PGAP4: variants seen among roughly 807,000 people sequenced by gnomAD.
PGAP4 encodes post-GPI attachment to proteins GalNAc transferase 4.
Under a neutral mutation model 28.2 loss-of-function variants are expected in PGAP4, and 12 were observed. The observed-to-expected ratio is 0.42, with a 90% confidence interval of 0.27 to 0.69. The LOEUF (loss-of-function observed/expected upper bound fraction) is 0.69. PGAP4 is among the 30% of genes least tolerant of loss of function. The pLI is 0.22. For synonymous variants in PGAP4, 205 were observed against 211.8 expected (o/e 0.97, Z 0.28); for missense variants, 425 against 513.5 (o/e 0.83, Z 1.67).
At position 101,487,151 on chromosome 9, in the gene PGAP4, T is replaced by C. The variant is rs564830985; in HGVS notation, c.-280A>G. 20 of 152,306 alleles carry C rather than the reference T, an allele frequency of 1.3e-4. No individual in the cohort carries two copies. The highest frequency in any genetic ancestry group is 4.6e-4 in the African/African-American group (19 of 41,580). The allele number at this position is 152,306 out of a possible 1,614,324, so 9.4% of individuals were successfully genotyped here. The stretch of plus-strand genomic sequence containing the variant: ...GGGCTCCCCTTGCTCAGGCGGGCCA[T>C]GTGACCCGCGAGCTGCGGAGAGACC... On this transcript the variant is annotated 5_prime_UTR_variant, in exon 1 of 2. The change abolishes an upstream ATG in the 5' untranslated region. Coordinates refer to ENST00000374848, the MANE Select transcript of PGAP4 (RefSeq NM_032342.3).
intron 2 of PGAP4, among the ~76,000 whole-genome samples, chr9:101,516,751 C>T (rs1413316400): frequency 6.6e-6 from 1 of 152,172 alleles, no homozygotes; most frequent in Admixed American, 6.5e-5. Flanking sequence ...TCAGACTTAA[C>T]ACTTTTTATT....
intron 2 of PGAP4, among the ~76,000 whole-genome samples, chr9:101,523,386 G>A (rs1273279079): frequency 6.6e-6 from 1 of 151,802 alleles, no homozygotes; most frequent in African/African-American, 2.4e-5. Flanking sequence ...AGACTTCTTG[G>A]AGGCTTTGTT....
rs148013361 is a variant in PGAP4, at chr9:101,474,986, G to GCTTTTTTTTT, written c.*894_*895insAAAAAAAAAG. 7.1e-6 allele frequency: 1 copy of GCTTTTTTTTT among 141,536 alleles called. No individual in the cohort carries two copies. The allele number at this position is 141,536 out of a possible 1,614,324, so 8.8% of individuals were successfully genotyped here. On this transcript the variant is annotated 3_prime_UTR_variant, in exon 2 of 2. Coordinates refer to ENST00000374848, the MANE Select transcript of PGAP4 (RefSeq NM_032342.3). ...GTCAGGTCTTCTGACTTCAGTCCAT[G>GCTTTTTTTTT]ATTTTTTTTTTTTTTTTTCTATAAC...
At chr9:101,487,966 T>C (rs1461581948), upstream of PGAP4, among the ~76,000 whole-genome samples, 1 of 152,206 alleles carries the variant, frequency 6.6e-6, no homozygotes, top group Non-Finnish European at 1.5e-5. Context: ...ATTTACTGCC[T>C]GATTTGCCAA....
intron 2 of PGAP4, among the ~76,000 whole-genome samples, chr9:101,521,988 C>A (rs749158639): frequency 5.3e-5 from 8 of 152,138 alleles, no homozygotes; most frequent in Non-Finnish European, 1.0e-4. Flanking sequence ...CATTCAGGGG[C>A]AGGTAATTTA....
At chr9:101,526,904 T>A (rs180706897) in intron 2 of PGAP4, among the ~76,000 whole-genome samples, 11 of 152,344 alleles carry the variant, frequency 7.2e-5, no homozygotes, top group Admixed American at 2.6e-4. Context: ...AGAACTATGC[T>A]TGGGAGGAAG....
Position 101,474,365 on chromosome 9 carries a change from T to G in PGAP4, c.*1516A>C, listed in dbSNP as rs1826237199. 1 of 152,258 alleles carries G rather than the reference T, an allele frequency of 6.6e-6. No homozygotes were observed. The highest frequency in any genetic ancestry group is 1.5e-5 in the Non-Finnish European group (1 of 68,040). 9.4% of individuals were successfully genotyped at this position (152,258 alleles called of 1,614,324 possible). A position where few individuals can be genotyped will look rare whatever the true frequency, so the allele number is the denominator to read the frequency against. ...ACAAACTGGACAATTGCTTGAACTC[T>G]AATATCATCATCCATCCTCATAAAG... On this transcript the variant is annotated 3_prime_UTR_variant, in exon 2 of 2. Transcript: ENST00000374848.
At chr9:101,505,377 G>A (rs1465651222) in intron 2 of PGAP4, among the ~76,000 whole-genome samples, 2 of 152,046 alleles carry the variant, frequency 1.3e-5, no homozygotes, top group Non-Finnish European at 2.9e-5. Context: ...AAGCTTCTAA[G>A]AGATTACAAG....
chr9:101,477,286 A>C, intron 1 of PGAP4, 117 bp from the exon 2 acceptor site: 1 of 674,052 alleles, frequency 1.5e-6, no homozygotes, highest in South Asian at 4.0e-5. Flanking sequence ...AGAAATTATA[A>C]TAGGAGGCTC....
chr9:101,488,463 T>C (rs1475942724), upstream of PGAP4, among the ~76,000 whole-genome samples: 4 of 152,222 alleles, frequency 2.6e-5, no homozygotes, highest in African/African-American at 9.6e-5. Flanking sequence ...TTAACTCCTC[T>C]GTGCCTCAAT....
intron 1 of PGAP4, chr9:101,481,569 T>C (rs1467074366): frequency 2.0e-5 from 3 of 152,248 alleles, no homozygotes; most frequent in South Asian, 4.1e-4. Context: ...CCTGTTACCA[T>C]ATCTAGAGTG....
intron 2 of PGAP4, among the ~76,000 whole-genome samples, chr9:101,502,946 T>C (rs762321424): frequency 6.6e-6 from 1 of 152,068 alleles, no homozygotes; most frequent in South Asian, 2.1e-4. Flanking sequence ...ATAAAAATAT[T>C]TTTCAGTGTT....
chr9:101,522,337 T>C (rs1427845683), intron 2 of PGAP4, among the ~76,000 whole-genome samples: 2 of 152,208 alleles, frequency 1.3e-5, no homozygotes, highest in Admixed American at 6.5e-5. Context: ...TATTATTATG[T>C]TGCTGTGTGT....
At chr9:101,491,742 T>G (rs1050021058), upstream of PGAP4, among the ~76,000 whole-genome samples, 13 of 147,394 alleles carry the variant, frequency 8.8e-5, no homozygotes, top group African/African-American at 3.2e-4. Flanking sequence ...TAACTATATG[T>G]ATAAACTCAA....
chr9:101,479,478 A>G (rs955060306), intron 1 of PGAP4, among the ~76,000 whole-genome samples: 12 of 152,184 alleles, frequency 7.9e-5, no homozygotes, highest in African/African-American at 2.9e-4. Flanking sequence ...ATGATATGTC[A>G]GGGGGGAAAG....
chr9:101,509,040 A>G (rs1826873956), intron 2 of PGAP4, among the ~76,000 whole-genome samples: 1 of 152,208 alleles, frequency 6.6e-6, no homozygotes, highest in African/African-American at 2.4e-5. Context: ...TTTTAAGGCC[A>G]CTGTCACTTG....
chr9:101,487,492 A>G (rs1826643449), upstream of PGAP4, among the ~76,000 whole-genome samples: 1 of 152,246 alleles, frequency 6.6e-6, no homozygotes. Context: ...GAGGTATGAG[A>G]AAGTATGCAC....
chr9:101,507,550 A>G (rs953666067), intron 2 of PGAP4, among the ~76,000 whole-genome samples: 33 of 152,270 alleles, frequency 2.2e-4, no homozygotes, highest in African/African-American at 7.7e-4. Context: ...CTAAAAGCTC[A>G]GTTCTTGAAC....
intron 1 of PGAP4, among the ~76,000 whole-genome samples, chr9:101,477,570 C>T (rs976862326): frequency 6.6e-6 from 1 of 152,096 alleles, no homozygotes; most frequent in East Asian, 1.9e-4. Flanking sequence ...AGGAAATATA[C>T]ACATTTAGAG....
Sources: gnomAD v4.1 joint callset for allele counts (sites outside exome capture counted in the v4.1 genomes callset) on GRCh38, gnomAD v4.1.1 for gene constraint, MANE v1.5 for transcripts, NCBI Gene and HGNC (gene_info 2026-07-23, HGNC 2026-07-21) for gene names.